GYG2: variants seen among roughly 807,000 people sequenced by gnomAD.
GYG2 encodes glycogenin-2.
In GYG2, 29 loss-of-function variants were observed where a neutral mutation model predicts 29.4. That is an observed-to-expected ratio of 0.99 (90% CI 0.74 to 1.35). The LOEUF (loss-of-function observed/expected upper bound fraction) is 1.35, where lower values mean the gene tolerates loss of function less well. Among genes scored for constraint, GYG2 ranks in the 40% most tolerant of loss-of-function variants. The pLI is 0.00. For synonymous variants in GYG2, 167 were observed against 172.3 expected, an observed-to-expected ratio of 0.97 and a Z score of 0.24; for missense variants, 370 against 385.7, an observed-to-expected ratio of 0.96 and a Z score of 0.34.
In GYG2 at chrX:2,832,044, G is replaced by A. The variant is rs2087275714; in HGVS notation, c.7+1849G>A. Among the ~76,000 whole-genome samples the A allele has an allele frequency of 1.8e-5, 2 of 112,833 alleles. 1 individual carries two copies. The highest frequency in any genetic ancestry group is 7.3e-4 in the South Asian group (2 of 2,737). On this transcript the variant is annotated intron_variant, in intron 2 of 10. Transcript: ENST00000398806. ...GCAGTAGCATTGGATAATTGTGGAT[G>A]TTCTCTGGCGTCTGGCGCCGCACCA... is the stretch of plus-strand genomic sequence containing the variant.
In GYG2 at chrX:2,877,666, A is replaced by T; in HGVS notation, c.1251+359A>T. 3 of 752,235 alleles carry T rather than the reference A, an allele frequency of 4.0e-6. No individual in the cohort carries two copies. In the South Asian group the frequency reaches 2.0e-4, roughly 51 times the overall value. The allele number at this position is 752,235 out of a possible 1,213,427, so 62.0% of individuals were successfully genotyped here. A position where few individuals can be genotyped will look rare whatever the true frequency, so the allele number is the denominator to read the frequency against. On this transcript the variant is annotated intron_variant, in intron 10 of 10. Coordinates refer to ENST00000398806, the MANE Select transcript of GYG2 (RefSeq NM_001079855.2). ...AGCTGAAAATTGGAGGGAGTGGGGC[A>T]TGCTAATGTTCGAATCCAAATGGGG...
At chrX:2,857,416 C>G (rs12849476) in intron 6 of GYG2, among the ~76,000 whole-genome samples, 1 of 64,665 alleles carries the variant, frequency 1.5e-5, no homozygotes, top group African/African-American at 5.3e-5. Context: ...ATATCTATAT[C>G]TATCTATCTA....
intron 8 of GYG2, among the ~76,000 whole-genome samples, chrX:2,872,958 T>C (rs778043907): frequency 4.5e-5 from 5 of 112,264 alleles, no homozygotes; most frequent in South Asian, 3.7e-4. Flanking sequence ...ATAATGCAGT[T>C]ATTGCATTCG....
intron 7 of GYG2, among the ~76,000 whole-genome samples, chrX:2,860,646 T>A (rs2088138621): frequency 4.0e-5 from 1 of 24,957 alleles, no homozygotes; most frequent in Non-Finnish European, 1.7e-4. Context: ...ACTTGAGCTT[T>A]TTTTTTTTTT....
At chrX:2,835,079 TA>T (rs1422486947) in intron 2 of GYG2, among the ~76,000 whole-genome samples, 1 of 111,474 alleles carries the variant, frequency 9.0e-6, no homozygotes, top group Non-Finnish European at 1.9e-5. Context: ...AGGGTGGGAC[TA>T]CTTGAAGCAA....
At chrX:2,856,301 A>G (rs1485858447) in intron 5 of GYG2, among the ~76,000 whole-genome samples, 197 bp from the exon 6 acceptor site, 1 of 111,328 alleles carries the variant, frequency 9.0e-6, no homozygotes, top group Non-Finnish European at 1.9e-5. Flanking sequence ...GGGAATATGC[A>G]CTTATTTTTA....
rs1441895074 is a variant in GYG2, at chrX:2,845,789, A to G, written c.149+2435A>G. Among the ~76,000 whole-genome samples, 21 of 104,182 alleles carry G rather than the reference A, an allele frequency of 2.0e-4. 1 individual carries two copies. The East Asian group carries it at 3.0e-3, about 15-fold the overall frequency. 90.5% of individuals were successfully genotyped at this position (104,182 alleles called of 115,157 possible). ...TATATGCATGTGTATGTATATATAT[A>G]CATGTGTATGTGTATATATATGTTC... On this transcript the variant is annotated intron_variant, in intron 3 of 10. Coordinates refer to ENST00000398806, the MANE Select transcript of GYG2 (RefSeq NM_001079855.2).
chrX:2,842,884 G>A (rs1267649345), intron 2 of GYG2: 4 of 280,507 alleles, frequency 1.4e-5, no homozygotes, highest in Non-Finnish European at 2.6e-5. Context: ...GTGCAATCAC[G>A]GCTCACTGCA....
intron 10 of GYG2, chrX:2,877,605 G>T (rs1183595630): frequency 5.3e-6 from 4 of 751,877 alleles, no homozygotes; most frequent in Non-Finnish European, 6.3e-6. Context: ...GGAAATTAAT[G>T]CGTAGCAATC....
At chrX:2,874,639 G>A (rs774325246) in intron 8 of GYG2, among the ~76,000 whole-genome samples, 1 of 112,097 alleles carries the variant, frequency 8.9e-6, no homozygotes, top group Non-Finnish European at 1.9e-5. Flanking sequence ...GTAGGCCACT[G>A]TTTAATCTTC....
At position 2,854,864 on chromosome X, in the gene GYG2, G is replaced by A. The variant is rs189975439; in HGVS notation, c.325-129G>A. 5.6e-3 allele frequency: 3,821 copies of A among 688,379 alleles called. 12 individuals carry two copies. Among genetic ancestry groups the A allele is most frequent in the Middle Eastern group, 0.01 (24 of 2,304 alleles). 56.7% of individuals were successfully genotyped at this position (688,379 alleles called of 1,213,427 possible). A position where few individuals can be genotyped will look rare whatever the true frequency, so the allele number is the denominator to read the frequency against. On this transcript the variant is annotated intron_variant, in intron 4 of 10. Coordinates refer to ENST00000398806, the MANE Select transcript of GYG2 (RefSeq NM_001079855.2). ...GGGGGATCGCTTGAACCCGGGAGGC[G>A]GAGGCCGCAGTGAGCCGAGACTGAA...
chrX:2,846,677 C>T (rs2087745526), intron 3 of GYG2, among the ~76,000 whole-genome samples: 2 of 111,013 alleles, frequency 1.8e-5, no homozygotes, highest in African/African-American at 6.6e-5. Flanking sequence ...CCCAGAGGTT[C>T]GAGGCTGTAG....
intron 6 of GYG2, among the ~76,000 whole-genome samples, chrX:2,859,183 T>A (rs2088094276): frequency 8.9e-6 from 1 of 111,854 alleles, no homozygotes; most frequent in Admixed American, 9.6e-5. Flanking sequence ...ATATATTGAT[T>A]ACTATCTTGA....
intron 3 of GYG2, among the ~76,000 whole-genome samples, chrX:2,848,350 C>A (rs1262785038): frequency 9.0e-6 from 1 of 110,650 alleles, no homozygotes; most frequent in Non-Finnish European, 1.9e-5. Flanking sequence ...ACCAGCCTGA[C>A]CAACATGGTG....
intron 2 of GYG2, among the ~76,000 whole-genome samples, chrX:2,831,484 A>C (rs1289952788): frequency 3.6e-5 from 4 of 111,816 alleles, no homozygotes; most frequent in Admixed American, 2.8e-4. Flanking sequence ...TAGAGATGAA[A>C]ATTGTCGGGG....
chrX:2,860,042 G>A lies in GYG2; in HGVS notation c.814G>A (p.Ala272Thr). The A allele has an allele frequency of 8.5e-7, 1 of 1,181,517 alleles. No individual in the cohort carries two copies. Among genetic ancestry groups the A allele is most frequent in the Non-Finnish European group, 1.1e-6 (1 of 873,691 alleles). ...TTATAAAAGCGTCCAAGCGGGGGAA[G>A]CACGCGCGTCTCCTGGTCACACAGT... is the stretch of plus-strand genomic sequence containing the variant. ...PLYKSVQAGEARASPGHTLCH... is the reference protein window; with the variant it reads ...PLYKSVQAGETRASPGHTLCH... Residue 272 changes from alanine to threonine, a missense_variant, in exon 7 of 11, where the codon GCA (alanine) becomes ACA (threonine). Coordinates refer to ENST00000398806, the MANE Select transcript of GYG2 (RefSeq NM_001079855.2).
At chrX:2,829,649 C>T (rs2087216349) in intron 1 of GYG2, among the ~76,000 whole-genome samples, 1 of 101,589 alleles carries the variant, frequency 9.8e-6, no homozygotes, top group Admixed American at 1.0e-4. Flanking sequence ...CGTCCGGGAG[C>T]GCAGGGGTGG....
rs2088089012 is a variant in GYG2 at position 2,858,956 on chromosome X, TATG to T, written c.615-881_615-879del. Reference sequence around the variant, plus strand: ...TTTTTTGCCCCTGTCGTTTTAAGGATATGATGATTTGGGCTGCTGTACTTCACG... The same window carrying T: ...TTTTTTGCCCCTGTCGTTTTAAGGATATGATTTGGGCTGCTGTACTTCACG... On this transcript the variant is annotated intron_variant, in intron 6 of 10. Coordinates refer to ENST00000398806, the MANE Select transcript of GYG2 (RefSeq NM_001079855.2). Among the ~76,000 whole-genome samples, 3 of 111,602 alleles carry T rather than the reference TATG, an allele frequency of 2.7e-5. No individual in the cohort carries two copies. The East Asian group carries it at 8.4e-4, about 31-fold the overall frequency.
Position 2,869,613 on chromosome X carries a change from A to G in GYG2, c.1039-6197A>G, listed in dbSNP as rs994931663. On this transcript the variant is annotated intron_variant, in intron 8 of 10. Transcript: ENST00000398806. The stretch of plus-strand genomic sequence containing the variant: ...TAGTCCAGTAGCTACTTTGGTATAT[A>G]TAATGATGGCAAGGTTGACGTGTTT... 4.4e-5 allele frequency among the ~76,000 whole-genome samples: 5 copies of G among 112,361 alleles called. 1 individual carries two copies. The highest frequency in any genetic ancestry group is 1.3e-4 in the African/African-American group (4 of 30,920).
Sources: gnomAD v4.1 joint callset for allele counts (sites outside exome capture counted in the v4.1 genomes callset) on GRCh38, gnomAD v4.1.1 for gene constraint, MANE v1.5 for transcripts, NCBI Gene and HGNC (gene_info 2026-07-23, HGNC 2026-07-21) for gene names.